The following MAP4K4 variants were observed in gnomAD, a reference collection of about 807,000 sequenced individuals.
The protein encoded by MAP4K4 is mitogen-activated protein kinase kinase kinase kinase 4, also known as HPK/GCK-like kinase HGK.
A neutral mutation model predicts 189.6 loss-of-function variants in MAP4K4; 38 were observed. The ratio of observed to expected loss-of-function variants is 0.20; its 90% CI spans 0.15 to 0.26. The LOEUF (loss-of-function observed/expected upper bound fraction) is 0.26, where lower values mean the gene tolerates loss of function less well. MAP4K4 is among the 10% of genes least tolerant of loss of function. The pLI is 1.00. For synonymous variants in MAP4K4, 610 were observed against 624.3 expected (o/e 0.98, Z 0.34); for missense variants, 1,054 against 1,726.9 (o/e 0.61, Z 6.91).
intron 9 of MAP4K4, among the ~76,000 whole-genome samples, chr2:101,839,229 G>A (rs140640847): frequency 1.3e-5 from 2 of 152,324 alleles, no homozygotes; most frequent in East Asian, 3.9e-4. Flanking sequence ...TATGGCAAAT[G>A]TAGGTGACAG....
intron 12 of MAP4K4, among the ~76,000 whole-genome samples, chr2:101,849,526 C>T (rs2097212639): frequency 6.6e-6 from 1 of 151,586 alleles, no homozygotes; most frequent in Non-Finnish European, 1.5e-5. Context: ...GCATTTTGTT[C>T]ACAAGCCAAC....
At chr2:101,842,463 C>T in intron 10 of MAP4K4, 146 bp from the exon 11 acceptor site, 1 of 556,980 alleles carries the variant, frequency 1.8e-6, no homozygotes. Context: ...GTGTCTTGCC[C>T]CTCCTCCCCA....
chr2:101,825,349 A>G (rs1351156709), exon 5 of MAP4K4: 4 of 1,613,352 alleles, frequency 2.5e-6, no homozygotes, highest in Non-Finnish European at 3.4e-6. Flanking sequence ...GGCTGGGTCC[A>G]TTACAGACCT....
At chr2:101,779,396 T>G (rs1450819324) in intron 2 of MAP4K4, among the ~76,000 whole-genome samples, 1 of 152,236 alleles carries the variant, frequency 6.6e-6, no homozygotes, top group Admixed American at 6.5e-5. Context: ...AGTAAAGCTA[T>G]AAAACTGCCC....
intron 2 of MAP4K4, among the ~76,000 whole-genome samples, chr2:101,732,097 C>T (rs1055881987): frequency 3.3e-5 from 5 of 152,056 alleles, no homozygotes; most frequent in African/African-American, 7.2e-5. Flanking sequence ...GGAGTAGGGA[C>T]GGATTTTAAT....
chr2:101,815,528 C>G (rs1173921795), intron 3 of MAP4K4, among the ~76,000 whole-genome samples: 1 of 152,062 alleles, frequency 6.6e-6, no homozygotes. Context: ...TCTTTCCCCC[C>G]CTCTCTCATA....
intron 2 of MAP4K4, among the ~76,000 whole-genome samples, chr2:101,716,805 G>A (rs997420427): frequency 2.0e-5 from 3 of 152,062 alleles, no homozygotes; most frequent in Non-Finnish European, 2.9e-5. Flanking sequence ...GTGTGACTTG[G>A]GTTGGCCGAC....
chr2:101,845,427 G>C (rs968408932), intron 12 of MAP4K4, among the ~76,000 whole-genome samples: 2 of 152,086 alleles, frequency 1.3e-5, no homozygotes, highest in Non-Finnish European at 2.9e-5. Flanking sequence ...TACATTCTGA[G>C]AAATGCATCA....
intron 12 of MAP4K4, among the ~76,000 whole-genome samples, chr2:101,855,720 A>C (rs2149775578): frequency 6.6e-6 from 1 of 152,352 alleles, no homozygotes; most frequent in African/African-American, 2.4e-5. Flanking sequence ...TGCAGTGAGC[A>C]GTGGGGAATA....
chr2:101,793,016 C>T (rs960603769), intron 3 of MAP4K4, among the ~76,000 whole-genome samples: 3 of 152,152 alleles, frequency 2.0e-5, no homozygotes, highest in Admixed American at 6.5e-5. Context: ...CTATAAAATA[C>T]ATACCGATAT....
At chr2:101,775,604 G>A (rs1240534502) in intron 2 of MAP4K4, among the ~76,000 whole-genome samples, 1 of 152,078 alleles carries the variant, frequency 6.6e-6, no homozygotes, top group African/African-American at 2.4e-5. Context: ...GGCTAGTGCT[G>A]GGGGTGAGAA....
rs908658044 is a variant in MAP4K4 at position 101,714,299 on chromosome 2, T to C, written c.123+15761T>C. 2.0e-5 allele frequency among the ~76,000 whole-genome samples: 3 copies of C among 151,276 alleles called. No homozygotes were observed. In the East Asian group the frequency reaches 5.8e-4, roughly 29 times the overall value. On this transcript the variant is annotated intron_variant, in intron 2 of 32. Coordinates refer to ENST00000324219, the Ensembl canonical transcript of MAP4K4. Reference sequence around the variant, plus strand: ...TCCAAGCAACCTGTTTAGAATAAATTATAGGGAAGGAAGTTTTCGCTAAAA... The same window carrying C: ...TCCAAGCAACCTGTTTAGAATAAATCATAGGGAAGGAAGTTTTCGCTAAAA...
chr2:101,783,431 G>A (rs1164709600), intron 2 of MAP4K4, among the ~76,000 whole-genome samples: 7 of 152,114 alleles, frequency 4.6e-5, no homozygotes, highest in Non-Finnish European at 1.0e-4. Context: ...TTGAGTTTGC[G>A]ACTTTTCTTA....
At chr2:101,698,171 G>GGGCTGCC (rs1553477841) in intron 1 of MAP4K4, 34 bp downstream of exon 1, 1 of 959,354 alleles carries the variant, frequency 1.0e-6, no homozygotes, top group South Asian at 2.6e-5. Flanking sequence ...CGCGGGGAGC[G>GGGCTGCC]GGCAGCCGGC....
chr2:101,841,878 C>T (rs1190091657), intron 10 of MAP4K4, among the ~76,000 whole-genome samples: 1 of 152,162 alleles, frequency 6.6e-6, no homozygotes, highest in African/African-American at 2.4e-5. Flanking sequence ...TGAAACTGCT[C>T]ACTGAAAGTT....
intron 2 of MAP4K4, among the ~76,000 whole-genome samples, chr2:101,761,627 C>A (rs763525605): frequency 6.6e-6 from 1 of 150,630 alleles, no homozygotes; most frequent in South Asian, 2.1e-4. Context: ...GGCATGATCT[C>A]GGATCACTGC....
intron 3 of MAP4K4, among the ~76,000 whole-genome samples, chr2:101,810,287 A>G (rs1053293119): frequency 1.3e-5 from 2 of 151,056 alleles, no homozygotes; most frequent in Non-Finnish European, 2.9e-5. Flanking sequence ...ATTCCATAGT[A>G]CCCCTGTGGG....
chr2:101,786,718 T>A (rs1388208483), intron 2 of MAP4K4, among the ~76,000 whole-genome samples: 1 of 152,218 alleles, frequency 6.6e-6, no homozygotes, highest in East Asian at 1.9e-4. Flanking sequence ...AGGGGGATCC[T>A]GCTGCCATTG....
intron 5 of MAP4K4, among the ~76,000 whole-genome samples, chr2:101,826,354 AT>A (rs1039456049): frequency 6.6e-6 from 1 of 151,704 alleles, no homozygotes; most frequent in South Asian, 2.1e-4. Flanking sequence ...GAAATGTTTA[AT>A]TTTTTTTTAT....
Sources: gnomAD v4.1 joint callset for allele counts (sites outside exome capture counted in the v4.1 genomes callset) on GRCh38, gnomAD v4.1.1 for gene constraint, MANE v1.5 for transcripts, NCBI Gene and HGNC (gene_info 2026-07-23, HGNC 2026-07-21) for gene names.